Variants in PER3 observed in about 807,000 individuals in gnomAD.
PER3 encodes the protein period circadian protein homolog 3.
In PER3, 107 loss-of-function variants were observed where a neutral mutation model predicts 127.2. That is an observed-to-expected ratio of 0.84 (90% CI 0.72 to 0.99). PER3 has a LOEUF of 0.99. Ranked by LOEUF, PER3 falls within the 50% of genes least tolerant of loss-of-function variation. The pLI is 0.00. For synonymous variants in PER3, 618 were observed against 585.8 expected (o/e 1.05, Z -0.79); for missense variants, 1,560 against 1,525.8 (o/e 1.02, Z -0.37).
In PER3 at chr1:7,820,064, G is replaced by A. The variant is rs550213999; in HGVS notation, c.1659-51G>A. 2.5e-6 allele frequency: 4 copies of A among 1,582,184 alleles called. No individual in the cohort carries two copies. In the South Asian group the frequency reaches 3.5e-5, roughly 14 times the overall value. ...TGAGAAAAGCAAAGAGGTGGGAAATGGCACAATTAGGGAACAGGTAAGAAT... is the reference window on the plus strand; with the variant it reads ...TGAGAAAAGCAAAGAGGTGGGAAATAGCACAATTAGGGAACAGGTAAGAAT... On this transcript the variant is annotated intron_variant, in intron 14 of 21. Coordinates refer to ENST00000377532, the MANE Select transcript of PER3 (RefSeq NM_001377275.1).
At chr1:7,820,747 CACAT>C in intron 16 of PER3, 107 bp downstream of exon 16, 3 of 847,654 alleles carry the variant, frequency 3.5e-6, no homozygotes, top group Non-Finnish European at 5.4e-6. Flanking sequence ...TTCTAAACTA[CACAT>C]ATTTTTTCCT....
At chr1:7,787,840 C>T (rs2097099511) in intron 4 of PER3, 2 of 585,550 alleles carry the variant, frequency 3.4e-6, no homozygotes, top group Non-Finnish European at 6.1e-6. Context: ...GAAATTGAAC[C>T]TTCAGTAGGT....
intron 3 of PER3, among the ~76,000 whole-genome samples, chr1:7,785,814 T>C (rs2097086250): frequency 6.6e-6 from 1 of 152,250 alleles, no homozygotes; most frequent in African/African-American, 2.4e-5. Context: ...ATGCAATGTT[T>C]TGCTCATGTG....
Position 7,843,590 on chromosome 1 carries a change from ATACT to A in PER3, c.*837_*840del, listed in dbSNP as rs1310492844. ...ATGTAAAAGCTAGTATCATTCTTAC[ATACT>A]TCTGTGTTTAAATTTTCATTCTTAC... On this transcript the variant is annotated 3_prime_UTR_variant, in exon 22 of 22. Transcript: ENST00000377532. 6.5e-6 allele frequency: 1 copy of A among 152,678 alleles called. No homozygotes were observed. Among genetic ancestry groups the A allele is most frequent in the Non-Finnish European group, 1.5e-5 (1 of 68,278 alleles). 9.5% of individuals were successfully genotyped at this position (152,678 alleles called of 1,614,324 possible). A position where few individuals can be genotyped will look rare whatever the true frequency, so the allele number is the denominator to read the frequency against.
At chr1:7,792,260 G>A (rs959749417) in intron 5 of PER3, among the ~76,000 whole-genome samples, 2 of 152,096 alleles carry the variant, frequency 1.3e-5, no homozygotes, top group Non-Finnish European at 2.9e-5. Flanking sequence ...CCAAGCAAAA[G>A]GGGGAAAAGC....
At chr1:7,829,704 T>G in intron 18 of PER3, 130 bp from the exon 19 acceptor site, 3 of 701,680 alleles carry the variant, frequency 4.3e-6, no homozygotes, top group East Asian at 2.7e-5. Flanking sequence ...AATTTTCCAT[T>G]TACTATTTTT....
rs1400251406 is a variant in PER3 at position 7,845,114 on chromosome 1, A to G, written c.*2359A>G. 6.6e-6 allele frequency: 1 copy of G among 152,366 alleles called. No individual in the cohort carries two copies. Among genetic ancestry groups the G allele is most frequent in the Non-Finnish European group, 1.5e-5 (1 of 68,040 alleles). The allele number at this position is 152,366 out of a possible 1,614,324, so 9.4% of individuals were successfully genotyped here. ...CTGAATTTGTTTTTAATCATTAGTA[A>G]TATTTCAGTTGGGTATCTTTTTAAG... On this transcript the variant is annotated 3_prime_UTR_variant, in exon 22 of 22. Transcript: ENST00000377532.
intron 18 of PER3, among the ~76,000 whole-genome samples, chr1:7,828,950 T>C (rs1462302557): frequency 1.3e-5 from 2 of 152,162 alleles, no homozygotes; most frequent in Non-Finnish European, 2.9e-5. Flanking sequence ...AAAAAAAAAC[T>C]ACTTGTGGGG....
intron 6 of PER3, among the ~76,000 whole-genome samples, chr1:7,798,006 C>T (rs1192314076): frequency 1.3e-5 from 2 of 152,330 alleles, no homozygotes; most frequent in Non-Finnish European, 2.9e-5. Context: ...CTTTTTCTTT[C>T]CTCCTCAGCC....
At chr1:7,806,816 T>TATAC (rs2097196133) in intron 10 of PER3, among the ~76,000 whole-genome samples, 2 of 125,302 alleles carry the variant, frequency 1.6e-5, no homozygotes, top group Non-Finnish European at 3.3e-5. Context: ...AAAAAAAATA[T>TATAC]ATATATATAT....
rs776526487 is a variant in PER3, at chr1:7,827,458, T to A, written c.2529T>A (p.Pro843=). 4 of 1,614,194 alleles carry A rather than the reference T, an allele frequency of 2.5e-6. No individual in the cohort carries two copies. The highest frequency in any genetic ancestry group is 2.5e-6 in the Non-Finnish European group (3 of 1,180,000). The change falls in exon 18 of 22, where the codon CCT becomes CCA. Residue 843 remains proline (P), a synonymous_variant. Coordinates refer to ENST00000377532, the MANE Select transcript of PER3 (RefSeq NM_001377275.1). The part of the protein sequence containing the change: ...HGLPLSEGLQ[P]YPAFPFPYLD... ...TGCCCTTGTCCGAGGGCTTGCAGCC[T>A]TACCCAGCTTTCCCTTTTCCTTACT... is the stretch of plus-strand genomic sequence containing the variant.
At chr1:7,794,552 C>T (rs2097136552) in intron 6 of PER3, among the ~76,000 whole-genome samples, 1 of 152,078 alleles carries the variant, frequency 6.6e-6, no homozygotes, top group South Asian at 2.1e-4. Flanking sequence ...TAATTCTTAA[C>T]TCTAGGAGTG....
intron 8 of PER3, among the ~76,000 whole-genome samples, chr1:7,802,562 G>A (rs1387712986): frequency 6.6e-6 from 1 of 152,204 alleles, no homozygotes; most frequent in African/African-American, 2.4e-5. Flanking sequence ...ACCGTGCCTG[G>A]CCTAGGTGAC....
At position 7,809,946 on chromosome 1, in the gene PER3, G is replaced by A. The variant is rs139242507; in HGVS notation, c.1296G>A (p.Ser432=). The A allele has an allele frequency of 6.8e-6, 11 of 1,613,972 alleles. No homozygotes were observed. Among genetic ancestry groups the A allele is most frequent in the Admixed American group, 1.7e-5 (1 of 60,018 alleles). Residue 432 remains serine, a synonymous_variant, in exon 12 of 22, where the codon TCG becomes TCA. Transcript: ENST00000377532. ...ACGGGAGCCTGGGGAGCAGCGGGTC[G>A]CAGGAGCAGCTTGTCAGCATCGCCT... ...SGYGSLGSSG[S]QEQLVSIASS... is the part of the protein sequence containing the mutation.
Position 7,844,077 on chromosome 1 carries a change from A to G in PER3, c.*1322A>G. 1.4e-6 allele frequency: 1 copy of G among 693,792 alleles called. No homozygotes were observed. The highest frequency in any genetic ancestry group is 1.1e-4 in the East Asian group (1 of 8,868). 43.0% of individuals were successfully genotyped at this position (693,792 alleles called of 1,614,324 possible). On this transcript the variant is annotated 3_prime_UTR_variant, in exon 22 of 22. Transcript: ENST00000377532. ...GTTTTTGGTTTTTTATGGTTTTTTA[A>G]GGAAAATACTTTTCTCCTTTGAAGT...
At position 7,791,485 on chromosome 1, in the gene PER3, G is replaced by A. The variant is rs78971542; in HGVS notation, c.593-2472G>A. Among the ~76,000 whole-genome samples the A allele has an allele frequency of 1.3e-3, 191 of 152,330 alleles. No individual in the cohort carries two copies. In the East Asian group the frequency reaches 0.022, roughly 17 times the overall value. ...GGCCCAGAAAACCATTTTTTCTCTC[G>A]TAGGCCTCAGCCTGTGATGGGAGGG... On this transcript the variant is annotated intron_variant, in intron 5 of 21. Transcript: ENST00000377532.
intron 19 of PER3, among the ~76,000 whole-genome samples, chr1:7,832,509 G>T (rs751107198): frequency 2.6e-5 from 4 of 151,420 alleles, no homozygotes; most frequent in Non-Finnish European, 5.9e-5. Context: ...GAGTAGCTGG[G>T]ATTACGGGTG....
chr1:7,785,474 A>T lies in PER3; in HGVS notation c.162A>T (p.Glu54Asp). 1.9e-6 allele frequency: 3 copies of T among 1,612,934 alleles called. No individual in the cohort carries two copies. Among genetic ancestry groups the T allele is most frequent in the Non-Finnish European group, 2.5e-6 (3 of 1,178,872 alleles). ...AAGATCGAAACAGAGTTTCTGAAGA[A>T]CTTATCATGGTTGTCCAAGAAATGA... is the stretch of plus-strand genomic sequence containing the variant. ...EQQDRNRVSE[E>D]LIMVVQEMKK... Residue 54 changes from glutamate to aspartate, a missense_variant, in exon 3 of 22, where the codon GAA becomes GAT. By Grantham distance (45) the Glu-to-Asp change is conservative (BLOSUM62 2). This residue lies in a region of PER3 where 1,332 missense variants were observed against 1,223.6 expected (regional missense o/e 1.09). Coordinates refer to ENST00000377532, the MANE Select transcript of PER3 (RefSeq NM_001377275.1).
At chr1:7,791,947 C>G (rs1320660820) in intron 5 of PER3, among the ~76,000 whole-genome samples, 1 of 152,226 alleles carries the variant, frequency 6.6e-6, no homozygotes, top group Non-Finnish European at 1.5e-5. Flanking sequence ...AAGTTCCAGA[C>G]TTTCCCACAT....
Sources: gnomAD v4.1 joint callset for allele counts (sites outside exome capture counted in the v4.1 genomes callset) on GRCh38, gnomAD v4.1.1 for gene constraint, gnomAD v4.1.1 regional missense constraint, MANE v1.5 for transcripts, NCBI Gene and HGNC (gene_info 2026-07-23, HGNC 2026-07-21) for gene names.